Variants in RALGAPA1 observed in about 807,000 individuals in gnomAD.
RALGAPA1 encodes Ral GTPase activating protein catalytic subunit alpha 1, also known as ral GTPase-activating protein subunit alpha-1.
In RALGAPA1, 52 loss-of-function variants were observed where a neutral mutation model predicts 269.6. The observed-to-expected ratio is 0.19, with a 90% confidence interval of 0.15 to 0.24. The LOEUF is 0.24. RALGAPA1 is among the 10% of genes least tolerant of loss of function. The pLI is 1.00. For missense variants in RALGAPA1, 1,917 were observed against 3,013.9 expected (o/e 0.64, Z 8.52); for synonymous variants, 817 against 1,008.3 (o/e 0.81, Z 3.60).
intron 31 of RALGAPA1, among the ~76,000 whole-genome samples, chr14:35,641,581 A>G (rs1308671099): frequency 6.6e-6 from 1 of 152,236 alleles, no homozygotes; most frequent in Non-Finnish European, 1.5e-5. Context: ...AACACTGATG[A>G]AAGAAATTGA....
At chr14:35,753,782 T>C (rs1213892984) in intron 7 of RALGAPA1, among the ~76,000 whole-genome samples, 3 of 152,182 alleles carry the variant, frequency 2.0e-5, no homozygotes, top group African/African-American at 7.2e-5. Flanking sequence ...ACCCTGTGAA[T>C]ACACTTAAAA....
chr14:35,706,371 C>T (rs964768862), intron 16 of RALGAPA1, among the ~76,000 whole-genome samples: 19 of 152,132 alleles, frequency 1.2e-4, no homozygotes, highest in African/African-American at 3.4e-4. Flanking sequence ...TGTTACAGCA[C>T]CATGTTGAAA....
chr14:35,593,653 G>A (rs1329236633), intron 37 of RALGAPA1, among the ~76,000 whole-genome samples: 1 of 152,006 alleles, frequency 6.6e-6, no homozygotes, highest in Non-Finnish European at 1.5e-5. Flanking sequence ...GAGCTCAAAA[G>A]TTTGAGACCA....
At chr14:35,646,809 ATAAAG>A (rs1374694272) in intron 31 of RALGAPA1, among the ~76,000 whole-genome samples, 5 of 152,200 alleles carry the variant, frequency 3.3e-5, no homozygotes, top group Non-Finnish European at 5.9e-5. Context: ...GAAAAACACA[ATAAAG>A]TAGTCAGCAG....
chr14:35,634,264 A>C (rs965818822), intron 33 of RALGAPA1, among the ~76,000 whole-genome samples: 4 of 152,170 alleles, frequency 2.6e-5, no homozygotes, highest in Non-Finnish European at 4.4e-5. Context: ...CAGATTAGGG[A>C]TGCTCAACTG....
chr14:35,785,530 A>G (rs772239183), intron 1 of RALGAPA1, among the ~76,000 whole-genome samples: 6 of 152,266 alleles, frequency 3.9e-5, no homozygotes, highest in Non-Finnish European at 7.3e-5. Flanking sequence ...ACAACAGAGG[A>G]TAAAGGCAGA....
intron 12 of RALGAPA1, among the ~76,000 whole-genome samples, chr14:35,731,223 G>T (rs191413861): frequency 1.3e-5 from 2 of 152,180 alleles, no homozygotes; most frequent in East Asian, 3.8e-4. Flanking sequence ...TGGGACAAAA[G>T]AATCTTAACA....
chr14:35,789,489 G>A (rs1014983667), intron 1 of RALGAPA1, among the ~76,000 whole-genome samples: 5 of 152,044 alleles, frequency 3.3e-5, no homozygotes, highest in Non-Finnish European at 7.3e-5. Context: ...CTACTAGGGA[G>A]GCTGAGGCAG....
rs1040909014 is a variant in RALGAPA1 at position 35,790,413 on chromosome 14, CGCGGTA to C, written c.107-14674_107-14669del. 7.3e-5 allele frequency among the ~76,000 whole-genome samples: 11 copies of C among 151,560 alleles called. No individual in the cohort carries two copies. In the East Asian group the frequency reaches 2.2e-3, roughly 30 times the overall value. On this transcript the variant is annotated intron_variant, in intron 1 of 41. Coordinates refer to ENST00000680220, the MANE Select transcript of RALGAPA1 (RefSeq NM_001346249.2). ...GTTAGAAACCTTGGAACAGGCCAAG[CGCGGTA>C]GCTCAGGCCTGTAATCCCAGCACTT...
At chr14:35,548,068 C>T (rs2054609138) in intron 41 of RALGAPA1, among the ~76,000 whole-genome samples, 2 of 151,930 alleles carry the variant, frequency 1.3e-5, no homozygotes, top group South Asian at 4.2e-4. Context: ...CCTTGAATAC[C>T]ATTACAACAG....
intron 39 of RALGAPA1, among the ~76,000 whole-genome samples, chr14:35,554,074 C>G (rs985903556): frequency 6.6e-6 from 1 of 151,972 alleles, no homozygotes; most frequent in Non-Finnish European, 1.5e-5. Context: ...ATGTTGCCTA[C>G]TGATTTAAAA....
rs937221040 is a variant in RALGAPA1 at position 35,789,960 on chromosome 14, G to A, written c.107-14215C>T. On this transcript the variant is annotated intron_variant, in intron 1 of 41. Coordinates refer to ENST00000680220, the MANE Select transcript of RALGAPA1 (RefSeq NM_001346249.2). Reference sequence around the variant, plus strand: ...TGAGTTGAAAAAAATTTATAGACAAGAAGTCAGAATTGGCCGGGTGCAATG... The same window carrying A: ...TGAGTTGAAAAAAATTTATAGACAAAAAGTCAGAATTGGCCGGGTGCAATG... 8.2e-4 allele frequency among the ~76,000 whole-genome samples: 125 copies of A among 152,078 alleles called. 1 individual carries two copies. Among genetic ancestry groups the A allele is most frequent in the African/African-American group, 2.9e-3 (122 of 41,482 alleles).
intron 12 of RALGAPA1, among the ~76,000 whole-genome samples, chr14:35,730,583 G>A (rs2070384612): frequency 7.0e-6 from 1 of 143,268 alleles, no homozygotes; most frequent in South Asian, 2.2e-4. Flanking sequence ...AGATTGCTTG[G>A]GAGGTGGGTA....
chr14:35,691,385 A>T (rs1275436241), intron 17 of RALGAPA1, among the ~76,000 whole-genome samples: 1 of 152,144 alleles, frequency 6.6e-6, no homozygotes, highest in Non-Finnish European at 1.5e-5. Flanking sequence ...AACAAAAAAA[A>T]ATTGTTTTCA....
chr14:35,645,346 GGTGTGTGTGTGTGTGTGTGTGTGTGT>G (rs58039867), intron 31 of RALGAPA1, among the ~76,000 whole-genome samples: 2 of 129,562 alleles, frequency 1.5e-5, no homozygotes, highest in Non-Finnish European at 3.2e-5. Context: ...TATAGAGATG[GGTGTGTGTGTGTGTGTGTGTGTGTGT>G]GTGTGTGTGT....
intron 4 of RALGAPA1, among the ~76,000 whole-genome samples, chr14:35,763,451 T>TTA (rs1811561018): frequency 6.6e-6 from 1 of 152,130 alleles, no homozygotes; most frequent in African/African-American, 2.4e-5. Context: ...AAAAATATTT[T>TTA]TATATTATTA....
rs1392896329 is a variant in RALGAPA1, at chr14:35,689,057, A to C, written c.3354T>G (p.Ser1118Arg). The change falls in exon 18 of 42, where the codon AGT becomes AGG. Residue 1118 changes from serine to arginine, a missense_variant. Physicochemically the swap from Ser to Arg is moderately radical, Grantham distance 110. Around this residue, in one of 11 missense-constraint regions of RALGAPA1, gnomAD observed 615 missense variants for 790.0 expected, o/e 0.78. Coordinates refer to ENST00000680220, the MANE Select transcript of RALGAPA1 (RefSeq NM_001346249.2). ...PVNRRMPHVT[S>R]TSKLSPTKRS... The stretch of plus-strand genomic sequence containing the variant: ...TTTTAGTTGGAGAAAGTTTGCTAGT[A>C]CTTGTAACATGAGGCATTCTGCGGT... The C allele has an allele frequency of 8.1e-7, 1 of 1,236,146 alleles. No individual in the cohort carries two copies. Among genetic ancestry groups the C allele is most frequent in the Non-Finnish European group, 1.0e-6 (1 of 990,318 alleles). The allele number at this position is 1,236,146 out of a possible 1,614,324, so 76.6% of individuals were successfully genotyped here. A position where few individuals can be genotyped will look rare whatever the true frequency, so the allele number is the denominator to read the frequency against.
At chr14:35,599,474 G>C (rs926885529) in intron 36 of RALGAPA1, among the ~76,000 whole-genome samples, 1 of 152,178 alleles carries the variant, frequency 6.6e-6, no homozygotes, top group African/African-American at 2.4e-5. Flanking sequence ...GCTGGGCACA[G>C]TGGCTCATGC....
intron 4 of RALGAPA1, chr14:35,765,894 A>C: frequency 9.6e-7 from 1 of 1,042,672 alleles, no homozygotes; most frequent in Admixed American, 1.9e-5. Flanking sequence ...TGGAAAAACA[A>C]ATTTAGATGA....
Sources: allele counts gnomAD v4.1 joint callset (sites outside exome capture counted in the v4.1 genomes callset), GRCh38; gene constraint gnomAD v4.1.1; regional missense constraint gnomAD v4.1.1; transcripts MANE v1.5; gene names NCBI Gene and HGNC (gene_info 2026-07-23, HGNC 2026-07-21).